Variants in CACTIN observed in about 807,000 individuals in gnomAD.
CACTIN encodes the protein splicing factor Cactin.
In CACTIN, 20 loss-of-function variants were observed where a neutral mutation model predicts 84.9. That is an observed-to-expected ratio of 0.24 (90% CI 0.17 to 0.34). CACTIN has a LOEUF of 0.34. CACTIN is among the 10% of genes least tolerant of loss of function. The pLI is 1.00. For synonymous variants in CACTIN, 549 were observed against 467.9 expected (o/e 1.17, Z -2.24); for missense variants, 897 against 1,117.2 (o/e 0.80, Z 2.81).
rs1181223544 is a variant in CACTIN at position 3,618,907 on chromosome 19, A to T, written c.1130T>A (p.Leu377His). The change falls in exon 6 of 10, where the codon CTC (leucine) becomes CAC (histidine). Residue 377 changes from leucine to histidine, a missense_variant. Around this residue, in one of 8 missense-constraint regions of CACTIN, gnomAD observed 304 missense variants for 444.3 expected, o/e 0.68. Transcript: ENST00000429344. ...CTTGCCCGAGGCCTCCAGCTTGCGG[A>T]GCTTGGAGATCTCGTCCTCGGTGAT... is the stretch of plus-strand genomic sequence containing the variant. ...TTITEDEISK[L>H]RKLEASGKGP... The T allele has an allele frequency of 6.4e-7, 1 of 1,555,848 alleles. No homozygotes were observed. Among genetic ancestry groups the T allele is most frequent in the East Asian group, 2.4e-5 (1 of 41,262 alleles).
In CACTIN at chr19:3,612,675, G is replaced by A; in HGVS notation, c.1787-262C>T. 3 of 711,092 alleles carry A rather than the reference G, an allele frequency of 4.2e-6. No individual in the cohort carries two copies. In the Admixed American group the frequency reaches 6.1e-5, roughly 15 times the overall value. The allele number at this position is 711,092 out of a possible 1,614,324, so 44.0% of individuals were successfully genotyped here. ...CAGCGCGCTTCCCCGCCGAGCGACA[G>A]GAGAACCTGGTGGTTAGGGCCTGGC... On this transcript the variant is annotated intron_variant, in intron 9 of 9. Transcript: ENST00000429344.
At chr19:3,613,766 G>C in intron 7 of CACTIN, 180 bp from the exon 8 acceptor site, 1 of 773,130 alleles carries the variant, frequency 1.3e-6, no homozygotes, top group Non-Finnish European at 2.0e-6. Context: ...ATGGGAGAGA[G>C]GACGAGAGGA....
intron 4 of CACTIN, 114 bp from the exon 5 acceptor site, chr19:3,619,356 G>A: frequency 7.8e-7 from 1 of 1,277,906 alleles, no homozygotes; most frequent in Non-Finnish European, 1.1e-6. Flanking sequence ...TGACCCGTTG[G>A]GGGTGGTCAG....
intron 7 of CACTIN, 142 bp downstream of exon 7, chr19:3,614,255 C>A: frequency 1.1e-6 from 1 of 878,932 alleles, no homozygotes; most frequent in Non-Finnish European, 1.8e-6. Context: ...AGGCTGGCCC[C>A]GGCCAGTCGG....
At chr19:3,623,547 C>T (rs2145335350) in intron 2 of CACTIN, 141 bp downstream of exon 2, 4 of 707,906 alleles carry the variant, frequency 5.7e-6, no homozygotes, top group South Asian at 1.9e-5. Flanking sequence ...AAGCTGATAG[C>T]GGCAGAAGCT....
At position 3,623,929 on chromosome 19, in the gene CACTIN, A is replaced by T; in HGVS notation, c.401T>A (p.Leu134Gln). The T allele has an allele frequency of 6.2e-7, 1 of 1,604,308 alleles. No homozygotes were observed. Among genetic ancestry groups the T allele is most frequent in the South Asian group, 1.1e-5 (1 of 90,948 alleles). Residue 134 changes from leucine (L) to glutamine (Q), a missense_variant, in exon 2 of 10, where the codon CTG becomes CAG. By Grantham distance (113) the Leu-to-Gln change is moderately radical (BLOSUM62 -2). Around this residue, in one of 8 missense-constraint regions of CACTIN, gnomAD observed 261 missense variants for 243.8 expected, o/e 1.07. Coordinates refer to ENST00000429344, the MANE Select transcript of CACTIN (RefSeq NM_001080543.2). ...SQSPRAAAAALSQQQSLQERL... is the reference protein window; with the variant it reads ...SQSPRAAAAAQSQQQSLQERL... ...CTCCTGCAGGCTCTGCTGCTGGCTCAGGGCAGCCGCGGCCGCCCGGGGGCT... is the reference window on the plus strand; with the variant it reads ...CTCCTGCAGGCTCTGCTGCTGGCTCTGGGCAGCCGCGGCCGCCCGGGGGCT...
Position 3,613,531 on chromosome 19 carries a change from C to T in CACTIN, c.1411G>A (p.Glu471Lys), listed in dbSNP as rs770872634. ...LRQKLYKLKQEQGVESEPLFP... is the reference protein window; with the variant it reads ...LRQKLYKLKQKQGVESEPLFP... ...AGCGGCTCGCTCTCCACGCCCTGCT[C>T]CTGCTTCAGTTTGTACAGCTTCTGC... is the stretch of plus-strand genomic sequence containing the variant. Residue 471 changes from glutamate (E) to lysine (K), a missense_variant, in exon 8 of 10, where the codon GAG (glutamate) becomes AAG (lysine). Physicochemically the swap from Glu to Lys is moderately conservative, Grantham distance 56. Transcript: ENST00000429344. 4 of 1,598,458 alleles carry T rather than the reference C, an allele frequency of 2.5e-6. No individual in the cohort carries two copies. Among genetic ancestry groups the T allele is most frequent in the Non-Finnish European group, 3.4e-6 (4 of 1,176,686 alleles).
At chr19:3,618,080 G>T (rs939438678) in intron 6 of CACTIN, among the ~76,000 whole-genome samples, 4 of 152,074 alleles carry the variant, frequency 2.6e-5, no homozygotes, top group African/African-American at 9.7e-5. Context: ...TATCGACAGG[G>T]ATGCGTGGCC....
At chr19:3,617,377 C>T (rs769769981) in intron 6 of CACTIN, among the ~76,000 whole-genome samples, 10 of 152,224 alleles carry the variant, frequency 6.6e-5, no homozygotes, top group South Asian at 2.1e-4. Context: ...CAAGACCCCT[C>T]GGTTCCCTAC....
intron 2 of CACTIN, 68 bp from the exon 3 acceptor site, chr19:3,620,870 G>C: frequency 7.9e-7 from 1 of 1,259,170 alleles, no homozygotes; most frequent in Non-Finnish European, 1.1e-6. Context: ...CAGCTCCTTC[G>C]TCCAAGAGAT....
At chr19:3,619,630 C>T (rs1323923231) in intron 4 of CACTIN, among the ~76,000 whole-genome samples, 2 of 152,160 alleles carry the variant, frequency 1.3e-5, no homozygotes, top group African/African-American at 2.4e-5. Flanking sequence ...ACCTCCTCCC[C>T]CAGGCAGACC....
rs370366128 is a variant in CACTIN at position 3,623,784 on chromosome 19, C to A, written c.546G>T (p.Arg182=). 3.1e-6 allele frequency: 5 copies of A among 1,613,844 alleles called. No homozygotes were observed. Among genetic ancestry groups the A allele is most frequent in the Non-Finnish European group, 4.2e-6 (5 of 1,179,874 alleles). The change falls in exon 2 of 10, where the codon CGG becomes CGT. Residue 182 remains arginine (R), a synonymous_variant. Transcript: ENST00000429344. The stretch of plus-strand genomic sequence containing the variant: ...ACTCCTCACCCCAGCCCATCTTCTC[C>A]CGCTTCTTGCGCTCCTTGGCCTCCT... The part of the protein sequence containing the change: ...AKKEAKERKK[R]EKMGWGEEYM...
intron 2 of CACTIN, among the ~76,000 whole-genome samples, chr19:3,622,173 C>G (rs2033237735): frequency 6.6e-6 from 1 of 152,158 alleles, no homozygotes; most frequent in African/African-American, 2.4e-5. Context: ...CGAGACCAGC[C>G]TGACCAACAT....
In CACTIN at chr19:3,626,540, C is replaced by A; in HGVS notation, c.167+56G>T. On this transcript the variant is annotated intron_variant, in intron 1 of 9. Transcript: ENST00000429344. ...TTCCCCGGGATCTCCAACCCTCGGT[C>A]GGGCGCTCCTGAGGTAGGAGCCGGA... is the stretch of plus-strand genomic sequence containing the variant. The A allele has an allele frequency of 2.3e-6, 3 of 1,308,782 alleles. No homozygotes were observed. The South Asian group carries it at 6.0e-5, about 26-fold the overall frequency. The allele number at this position is 1,308,782 out of a possible 1,614,324, so 81.1% of individuals were successfully genotyped here. A position where few individuals can be genotyped will look rare whatever the true frequency, so the allele number is the denominator to read the frequency against.
rs1475758182 is a variant in CACTIN, at chr19:3,613,242, CTCGCCCTCACCGTCCCCGTCGCCG to C, written c.1578_1601del (p.Asp526_Gly533del). On this transcript the variant is annotated inframe_deletion, in exon 9 of 10. Coordinates refer to ENST00000429344, the MANE Select transcript of CACTIN (RefSeq NM_001080543.2). ...CCATGAGCACCGCCTCGCCCTCGCC[CTCGCCCTCACCGTCCCCGTCGCCG>C]TCGCCCTCTGTCGGGGTCGCGCCGT... 2 of 1,610,626 alleles carry C rather than the reference CTCGCCCTCACCGTCCCCGTCGCCG, an allele frequency of 1.2e-6. No homozygotes were observed. The highest frequency in any genetic ancestry group is 1.7e-5 in the Admixed American group (1 of 59,948).
rs746945409 is a variant in CACTIN, at chr19:3,612,430, G to A, written c.1787-17C>T. On this transcript the variant is annotated splice_polypyrimidine_tract_variant and intron_variant, in intron 9 of 9. Transcript: ENST00000429344. ...TGGCGTCTCCTGCGGGCGGGACGGC[G>A]TTCACCCGGGCCTCGGCCTCCCCCT... 4.6e-4 allele frequency: 725 copies of A among 1,564,968 alleles called. No individual in the cohort carries two copies. Among genetic ancestry groups the A allele is most frequent in the Non-Finnish European group, 6.0e-4 (696 of 1,161,248 alleles).
intron 6 of CACTIN, among the ~76,000 whole-genome samples, chr19:3,618,189 G>GC (rs1485452273): frequency 7.0e-6 from 1 of 143,736 alleles, no homozygotes; most frequent in East Asian, 2.5e-4. Flanking sequence ...GGGGGGGGGG[G>GC]GGTCTCATCT....
In CACTIN at chr19:3,613,469, G is replaced by A. The variant is rs1259872200; in HGVS notation, c.1473C>T (p.Ser491=). The A allele has an allele frequency of 2.5e-6, 4 of 1,578,488 alleles. No individual in the cohort carries two copies. The highest frequency in any genetic ancestry group is 2.6e-6 in the Non-Finnish European group (3 of 1,167,016). ...GGGGTGCCGGCCGGGCCTACCTGCG[G>A]CTGGGGGACTGGGGCTCCTGCTTGA... ...PILKQEPQSP[S]RSLEPEDAAP... The change falls in exon 8 of 10, where the codon AGC becomes AGT. Residue 491 remains serine (S), a synonymous_variant. Transcript: ENST00000429344.
chr19:3,618,319 T>C (rs551508119), intron 6 of CACTIN, among the ~76,000 whole-genome samples: 1 of 152,064 alleles, frequency 6.6e-6, no homozygotes, highest in South Asian at 2.1e-4. Flanking sequence ...CCCAGCAGTG[T>C]CCAGGACGGC....
Sources: allele counts gnomAD v4.1 joint callset (sites outside exome capture counted in the v4.1 genomes callset), GRCh38; gene constraint gnomAD v4.1.1; regional missense constraint gnomAD v4.1.1; transcripts MANE v1.5; gene names NCBI Gene and HGNC (gene_info 2026-07-23, HGNC 2026-07-21).